SYT16: variants seen among roughly 807,000 people sequenced by gnomAD.
The protein encoded by SYT16 is synaptotagmin-16.
A neutral mutation model predicts 61.4 loss-of-function variants in SYT16; 42 were observed. The observed-to-expected ratio is 0.68, with a 90% confidence interval of 0.53 to 0.89. The LOEUF (loss-of-function observed/expected upper bound fraction) is 0.89. Ranked by LOEUF, SYT16 falls within the 40% of genes least tolerant of loss-of-function variation. The pLI, the probability that SYT16 is intolerant of heterozygous loss-of-function variation, is 0.00. For missense variants in SYT16, 804 were observed against 807.3 expected, an observed-to-expected ratio of 1.00 and a Z score of 0.05; for synonymous variants, 314 against 302.3, an observed-to-expected ratio of 1.04 and a Z score of -0.40.
intron 7 of SYT16, among the ~76,000 whole-genome samples, chr14:62,090,449 A>G (rs575618099): frequency 1.3e-5 from 2 of 152,342 alleles, no homozygotes; most frequent in South Asian, 2.1e-4. Context: ...GATTCAGAAA[A>G]TGTGCTCTAC....
At chr14:62,010,097 G>C (rs185657290) in intron 3 of SYT16, among the ~76,000 whole-genome samples, 46 of 152,260 alleles carry the variant, frequency 3.0e-4, no homozygotes, top group Admixed American at 5.9e-4. Context: ...TGTAGTGAAA[G>C]TATTGTCAAA....
intron 1 of SYT16, among the ~76,000 whole-genome samples, chr14:61,940,320 C>T (rs529645061): frequency 1.3e-5 from 2 of 151,722 alleles, no homozygotes; most frequent in African/African-American, 2.4e-5. Flanking sequence ...AATTCTTGTT[C>T]CTCTCTCTTG....
At chr14:61,858,775 A>G (rs2046861370) in intron 1 of SYT16, among the ~76,000 whole-genome samples, 1 of 150,560 alleles carries the variant, frequency 6.6e-6, no homozygotes, top group South Asian at 2.1e-4. Context: ...ACTTAGGCAG[A>G]TAGTAAGGTT....
At chr14:62,067,732 GTGGCTCAC>G (rs1223270614) in intron 3 of SYT16, among the ~76,000 whole-genome samples, 8 of 152,168 alleles carry the variant, frequency 5.3e-5, no homozygotes, top group Non-Finnish European at 5.9e-5. Flanking sequence ...TGGGGGCATG[GTGGCTCAC>G]GCCTGTAATC....
chr14:61,893,360 G>C (rs796292459), intron 1 of SYT16, among the ~76,000 whole-genome samples: 1 of 152,132 alleles, frequency 6.6e-6, no homozygotes, highest in Non-Finnish European at 1.5e-5. Flanking sequence ...TTTGATTTTA[G>C]ATATTGTCCT....
chr14:61,893,518 C>T (rs1287088671), intron 1 of SYT16, among the ~76,000 whole-genome samples: 1 of 152,166 alleles, frequency 6.6e-6, no homozygotes, highest in East Asian at 1.9e-4. Flanking sequence ...TTTGTTTCCT[C>T]CTCTCATATA....
At chr14:61,990,047 T>C (rs1371307844) in intron 2 of SYT16, among the ~76,000 whole-genome samples, 3 of 152,152 alleles carry the variant, frequency 2.0e-5, no homozygotes, top group Admixed American at 6.5e-5. Flanking sequence ...GTAGAAGATA[T>C]TTCATTTCAA....
intron 4 of SYT16, among the ~76,000 whole-genome samples, chr14:62,070,536 C>A (rs961289635): frequency 3.3e-5 from 5 of 152,106 alleles, no homozygotes; most frequent in African/African-American, 1.2e-4. Context: ...GTTGGGCAGA[C>A]CTTGTTACAG....
chr14:62,011,941 A>AC (rs1241083856), intron 3 of SYT16, among the ~76,000 whole-genome samples: 1 of 148,736 alleles, frequency 6.7e-6, no homozygotes, highest in African/African-American at 2.6e-5. Context: ...ATATATATAT[A>AC]TTTGATGCTG....
At chr14:61,980,809 G>T (rs2052036698) in intron 2 of SYT16, among the ~76,000 whole-genome samples, 1 of 152,280 alleles carries the variant, frequency 6.6e-6, no homozygotes, top group East Asian at 1.9e-4. Context: ...AAGACTAATT[G>T]ACATGACAGG....
intron 3 of SYT16, among the ~76,000 whole-genome samples, chr14:62,059,786 ACAC>A (rs2055743553): frequency 6.6e-6 from 1 of 151,036 alleles, no homozygotes; most frequent in Non-Finnish European, 1.5e-5. Context: ...ATACACACAC[ACAC>A]ACACACACAC....
At chr14:62,027,789 G>A (rs898180373) in intron 3 of SYT16, among the ~76,000 whole-genome samples, 2 of 152,186 alleles carry the variant, frequency 1.3e-5, no homozygotes, top group African/African-American at 4.8e-5. Flanking sequence ...AGTCAGCCAT[G>A]TTTAATTTGA....
chr14:61,993,422 T>TA (rs887120631), intron 2 of SYT16, among the ~76,000 whole-genome samples: 10 of 151,712 alleles, frequency 6.6e-5, no homozygotes, highest in South Asian at 2.1e-4. Flanking sequence ...AGAACTGAAA[T>TA]AAAAAAAATT....
At chr14:61,839,583 C>A (rs1477296739) in intron 1 of SYT16, among the ~76,000 whole-genome samples, 1 of 152,044 alleles carries the variant, frequency 6.6e-6, no homozygotes, top group East Asian at 1.9e-4. Context: ...TACATTCAGG[C>A]AGTGAGAACT....
rs142408466 is a variant in SYT16, at chr14:62,011,926, C to CAT, written c.523+15399_523+15400dup. ...ACACATATATATACACACACACACA[C>CAT]ATATATATATATATATTTGATGCTG... On this transcript the variant is annotated intron_variant, in intron 3 of 7. Coordinates refer to ENST00000683842, the MANE Select transcript of SYT16 (RefSeq NM_001367656.1). Among the ~76,000 whole-genome samples the CAT allele has an allele frequency of 5.3e-3, 698 of 132,802 alleles. 38 individuals are homozygous for CAT. The highest frequency in any genetic ancestry group is 0.022 in the African/African-American group (640 of 29,564). The allele number at this position is 132,802 out of a possible 152,430, so 87.1% of individuals were successfully genotyped here. A position where few individuals can be genotyped will look rare whatever the true frequency, so the allele number is the denominator to read the frequency against.
intron 1 of SYT16, among the ~76,000 whole-genome samples, chr14:61,828,074 C>T (rs938703709): frequency 2.6e-5 from 4 of 152,108 alleles, no homozygotes; most frequent in South Asian, 4.1e-4. Flanking sequence ...GAGACTTGGA[C>T]GCAGACACAG....
chr14:62,025,161 A>G (rs186255164), intron 3 of SYT16, among the ~76,000 whole-genome samples: 3 of 152,248 alleles, frequency 2.0e-5, no homozygotes, highest in Admixed American at 6.5e-5. Context: ...TTGTTGTATC[A>G]TATAGTGAAA....
chr14:61,849,223 C>A (rs562140927), intron 1 of SYT16, among the ~76,000 whole-genome samples: 36 of 152,254 alleles, frequency 2.4e-4, no homozygotes, highest in African/African-American at 8.7e-4. Context: ...TCTCTCCTCT[C>A]CTGAGGCAGA....
At chr14:61,827,870 A>G (rs2045819915) in intron 1 of SYT16, among the ~76,000 whole-genome samples, 1 of 152,196 alleles carries the variant, frequency 6.6e-6, no homozygotes, top group Non-Finnish European at 1.5e-5. Context: ...GTTATATATT[A>G]TATTCATATT....
Sources: allele counts gnomAD v4.1 joint callset (sites outside exome capture counted in the v4.1 genomes callset), GRCh38; gene constraint gnomAD v4.1.1; transcripts MANE v1.5; gene names NCBI Gene and HGNC (gene_info 2026-07-23, HGNC 2026-07-21).